The following FBXO4 variants were observed in gnomAD, a reference collection of about 807,000 sequenced individuals.
FBXO4 encodes F-box protein 4, also known as F-box only protein 4.
A neutral mutation model predicts 43.7 loss-of-function variants in FBXO4; 36 were observed. The observed-to-expected ratio is 0.82, with a 90% CI of 0.63 to 1.09. The LOEUF is 1.09. Ranked by LOEUF, FBXO4 falls within the 50% of genes least tolerant of loss-of-function variation. The probability of loss-of-function intolerance (pLI) is 0.00; values close to 1 mark genes in which losing one functional copy is unlikely to be tolerated. For missense variants in FBXO4, 435 were observed against 474.1 expected, an observed-to-expected ratio of 0.92 and a Z score of 0.77; for synonymous variants, 180 against 165.6, an observed-to-expected ratio of 1.09 and a Z score of -0.67.
chr5:41,941,483 T>G lies in FBXO4; in HGVS notation c.*202T>G. 2.9e-6 allele frequency: 1 copy of G among 349,450 alleles called. No individual in the cohort carries two copies. The highest frequency in any genetic ancestry group is 4.4e-5 in the East Asian group (1 of 22,976). The allele number at this position is 349,450 out of a possible 1,614,324, so 21.6% of individuals were successfully genotyped here. Reference sequence around the variant, plus strand: ...CAAGAAAAGAGTTTCAGTCCTAGTATTTAGCCCCAAAATGAACCTTTAAAC... The same window carrying G: ...CAAGAAAAGAGTTTCAGTCCTAGTAGTTAGCCCCAAAATGAACCTTTAAAC... On this transcript the variant is annotated 3_prime_UTR_variant, in exon 7 of 7. Coordinates refer to ENST00000281623, the MANE Select transcript of FBXO4 (RefSeq NM_012176.3).
chr5:42,031,223 A>G, the FBXO4 span, among the ~76,000 whole-genome samples: 36,907 of 151,804 alleles, frequency 0.24, 5,072 homozygotes, highest in African/African-American at 0.38. Context: ...TTCCAACAAC[A>G]ATAGACTGGA....
intron 5 of FBXO4, chr5:41,935,192 A>G: frequency 1.1e-6 from 1 of 932,076 alleles, no homozygotes; most frequent in Non-Finnish European, 1.3e-6. Context: ...CTAGTTTTCC[A>G]ATCTGCTCCT....
chr5:41,988,298 G>T, the FBXO4 span, among the ~76,000 whole-genome samples: 6 of 152,152 alleles, frequency 3.9e-5, no homozygotes, highest in Non-Finnish European at 7.4e-5. Context: ...TAGATTGTGG[G>T]AAATAGCAGG....
At chr5:42,002,672 T>G in the FBXO4 span, among the ~76,000 whole-genome samples, 4 of 152,226 alleles carry the variant, frequency 2.6e-5, no homozygotes, top group African/African-American at 7.2e-5. Flanking sequence ...ATCTATGTCA[T>G]CTATCTATAC....
At chr5:42,007,370 C>G in the FBXO4 span, among the ~76,000 whole-genome samples, 1 of 151,972 alleles carries the variant, frequency 6.6e-6, no homozygotes, top group Non-Finnish European at 1.5e-5. Flanking sequence ...TAAAGATCTG[C>G]AAATAATTTG....
intron 1 of FBXO4, among the ~76,000 whole-genome samples, chr5:41,925,865 A>T (rs967781117): frequency 6.6e-6 from 1 of 152,204 alleles, no homozygotes; most frequent in Non-Finnish European, 1.5e-5. Flanking sequence ...TTGGGAAAGC[A>T]TTCCAGCGTC....
the FBXO4 span, among the ~76,000 whole-genome samples, chr5:42,006,887 G>GATAGAT: frequency 1.3e-5 from 1 of 79,120 alleles, no homozygotes; most frequent in South Asian, 3.9e-4. Flanking sequence ...GGTTCATGCT[G>GATAGAT]ATATATATAT....
chr5:42,003,064 T>C, the FBXO4 span, among the ~76,000 whole-genome samples: 13 of 152,352 alleles, frequency 8.5e-5, no homozygotes, highest in African/African-American at 2.9e-4. Context: ...AGAAACATTT[T>C]CATAAGTTAT....
intron 3 of FBXO4, chr5:41,930,137 G>A (rs1293809829): frequency 8.3e-6 from 4 of 481,664 alleles, no homozygotes; most frequent in African/African-American, 7.8e-5. Context: ...CAGCCTTTAA[G>A]ATTATGTGAA....
chr5:42,029,440 G>T, the FBXO4 span, among the ~76,000 whole-genome samples: 18 of 151,946 alleles, frequency 1.2e-4, no homozygotes, highest in African/African-American at 3.9e-4. Context: ...AGTTAAATCT[G>T]CTTGGTGTTT....
At chr5:42,034,741 G>A in the FBXO4 span, among the ~76,000 whole-genome samples, 2 of 152,178 alleles carry the variant, frequency 1.3e-5, no homozygotes, top group African/African-American at 2.4e-5. Flanking sequence ...TTTGGTACCA[G>A]CACCATGCTG....
chr5:42,015,451 C>T, the FBXO4 span, among the ~76,000 whole-genome samples: 4 of 152,174 alleles, frequency 2.6e-5, no homozygotes, highest in South Asian at 4.1e-4. Context: ...ATAGAGGGGA[C>T]TTTGTCTTCT....
chr5:41,991,401 C>T, the FBXO4 span, among the ~76,000 whole-genome samples: 1 of 152,158 alleles, frequency 6.6e-6, no homozygotes. Flanking sequence ...TCAGAAATTC[C>T]TGCTCTTTTC....
chr5:41,939,613 G>A lies in FBXO4; in HGVS notation c.1071G>A (p.Trp357Ter). The change falls in exon 6 of 7, where the codon TGG (tryptophan) becomes TGA (stop). Residue 357 changes from tryptophan to a stop codon, truncating the protein, a stop_gained. Transcript: ENST00000281623. LOFTEE classifies it high-confidence loss of function. ...ATCTGAATCTTCTAAATCACCCATG[G>A]CTGGTAAGATCATTTATACTCTAGT... Reference protein sequence around the residue: ...ELHLNLLNHPWLVQDTEAETL... With the variant: ...ELHLNLLNHP 1 of 1,609,788 alleles carries A rather than the reference G, an allele frequency of 6.2e-7. No homozygotes were observed. The highest frequency in any genetic ancestry group is 8.5e-7 in the Non-Finnish European group (1 of 1,177,932).
the FBXO4 span, among the ~76,000 whole-genome samples, chr5:41,970,335 A>G: frequency 1.3e-5 from 2 of 152,060 alleles, no homozygotes; most frequent in African/African-American, 2.4e-5. Flanking sequence ...TGGTACAAAT[A>G]TTCCCATCAG....
chr5:42,015,283 AGT>A, the FBXO4 span, among the ~76,000 whole-genome samples: 1 of 152,142 alleles, frequency 6.6e-6, no homozygotes, highest in Non-Finnish European at 1.5e-5. Context: ...TGTGTGTGTG[AGT>A]GTGTGTGTGC....
the FBXO4 span, among the ~76,000 whole-genome samples, chr5:41,997,106 G>T: frequency 2.6e-5 from 4 of 152,244 alleles, no homozygotes; most frequent in African/African-American, 9.6e-5. Context: ...AATGCTTCTG[G>T]TGGGCCTTAC....
At chr5:41,973,867 A>G in the FBXO4 span, among the ~76,000 whole-genome samples, 6 of 152,226 alleles carry the variant, frequency 3.9e-5, no homozygotes, top group African/African-American at 1.4e-4. Flanking sequence ...TTTTAGACCC[A>G]TTAAACTTCT....
downstream of FBXO4, among the ~76,000 whole-genome samples, chr5:41,946,489 G>T (rs1006008682): frequency 6.6e-6 from 1 of 152,254 alleles, no homozygotes; most frequent in Admixed American, 6.5e-5. Context: ...AAAAAGTAGG[G>T]CACTCTGCTT....
Sources: gnomAD v4.1 joint callset for allele counts (sites outside exome capture counted in the v4.1 genomes callset) on GRCh38, gnomAD v4.1.1 for gene constraint, MANE v1.5 for transcripts, NCBI Gene and HGNC (gene_info 2026-07-23, HGNC 2026-07-21) for gene names.